The following LOC400499 variants were observed in gnomAD, a reference collection of about 807,000 sequenced individuals.
chr16:11,480,112 C>T, the LOC400499 span, among the ~76,000 whole-genome samples: 233 of 152,264 alleles, frequency 1.5e-3, 1 homozygote, highest in African/African-American at 5.2e-3. Flanking sequence ...TTCCTCTGTC[C>T]GCCACAGTCC....
chr16:11,401,072 G>C, the LOC400499 span, among the ~76,000 whole-genome samples: 3 of 152,204 alleles, frequency 2.0e-5, no homozygotes, highest in African/African-American at 7.2e-5. Context: ...TGCTCAATGA[G>C]GTATTGATAA....
chr16:11,470,065 GT>G, the LOC400499 span, among the ~76,000 whole-genome samples: 1 of 151,836 alleles, frequency 6.6e-6, no homozygotes, highest in Non-Finnish European at 1.5e-5. Flanking sequence ...AACAAGCCCA[GT>G]TTTTTTTTGT....
chr16:11,420,585 AAATAAT>A, the LOC400499 span, among the ~76,000 whole-genome samples: 1 of 143,466 alleles, frequency 7.0e-6, no homozygotes, highest in African/African-American at 2.7e-5. Context: ...CCTAAAACTT[AAATAAT>A]AATAAACCCC....
At chr16:11,515,949 G>C in the LOC400499 span, 6 of 394,394 alleles carry the variant, frequency 1.5e-5, no homozygotes, top group Admixed American at 4.5e-5. Flanking sequence ...GGCAGGGCCT[G>C]AGAATGGAGT....
the LOC400499 span, among the ~76,000 whole-genome samples, chr16:11,525,993 C>T: frequency 2.0e-5 from 3 of 152,128 alleles, no homozygotes; most frequent in East Asian, 3.8e-4. Context: ...CAAATGAAAT[C>T]AAGTCCCATT....
the LOC400499 span, among the ~76,000 whole-genome samples, chr16:11,439,829 T>G: frequency 6.6e-6 from 1 of 152,016 alleles, no homozygotes; most frequent in Non-Finnish European, 1.5e-5. Context: ...CTCCCTGCCA[T>G]GTTGCCTGTT....
At chr16:11,491,703 T>C in the LOC400499 span, 2 of 150,478 alleles carry the variant, frequency 1.3e-5, no homozygotes, top group Non-Finnish European at 2.7e-5. Flanking sequence ...TGGCTCACCC[T>C]GGGTGGAGAG....
At chr16:11,430,132 A>G in the LOC400499 span, among the ~76,000 whole-genome samples, 3 of 152,096 alleles carry the variant, frequency 2.0e-5, no homozygotes. Flanking sequence ...AGGCATCGGG[A>G]AGTGTCACTC....
chr16:11,479,434 G>A, the LOC400499 span, among the ~76,000 whole-genome samples: 4 of 149,362 alleles, frequency 2.7e-5, no homozygotes, highest in Non-Finnish European at 5.9e-5. Flanking sequence ...ACAGCATATC[G>A]AGACCCTATC....
At chr16:11,380,110 C>CTT in the LOC400499 span, among the ~76,000 whole-genome samples, 3 of 152,090 alleles carry the variant, frequency 2.0e-5, no homozygotes, top group Admixed American at 2.0e-4. Flanking sequence ...ACCATGCCTA[C>CTT]TTTTTTTCAC....
At chr16:11,396,354 A>G in the LOC400499 span, 5 of 698,120 alleles carry the variant, frequency 7.2e-6, no homozygotes, top group Non-Finnish European at 1.0e-5. Context: ...CCCAGAATGA[A>G]GCTCTGGCCC....
At chr16:11,488,900 C>T in the LOC400499 span, 251 of 398,710 alleles carry the variant, frequency 6.3e-4, no homozygotes, top group African/African-American at 2.0e-3. Context: ...AGGGAGGGGC[C>T]GTGAGGAAAG....
the LOC400499 span, chr16:11,448,843 A>G: frequency 1.8e-5 from 22 of 1,241,050 alleles, no homozygotes; most frequent in Admixed American, 5.6e-4. Flanking sequence ...TTTCCATCCG[A>G]AGCAGGGAGA....
chr16:11,491,141 TAAAG>T, the LOC400499 span, among the ~76,000 whole-genome samples: 1 of 152,214 alleles, frequency 6.6e-6, no homozygotes, highest in Non-Finnish European at 1.5e-5. Context: ...CTTACTTGTC[TAAAG>T]GCATACAGGA....
chr16:11,522,832 G>C, the LOC400499 span, among the ~76,000 whole-genome samples: 5 of 152,118 alleles, frequency 3.3e-5, no homozygotes, highest in Non-Finnish European at 7.4e-5. Flanking sequence ...GCCCAGCCTT[G>C]GGGGATCTGG....
At chr16:11,437,023 G>A in the LOC400499 span, among the ~76,000 whole-genome samples, 1 of 152,124 alleles carries the variant, frequency 6.6e-6, no homozygotes, top group Admixed American at 6.5e-5. Context: ...AAGACATGGA[G>A]GAAACTTAAA....
At chr16:11,420,612 A>G in the LOC400499 span, among the ~76,000 whole-genome samples, 1 of 131,406 alleles carries the variant, frequency 7.6e-6, no homozygotes, top group African/African-American at 2.7e-5. Context: ...CCCCCCCGGA[A>G]AAAAACCCCA....
the LOC400499 span, among the ~76,000 whole-genome samples, chr16:11,490,526 C>T: frequency 4.4e-3 from 672 of 152,094 alleles, 9 homozygotes; most frequent in African/African-American, 0.015. Context: ...GGTGAAACCC[C>T]GTCTCTACTA....
the LOC400499 span, chr16:11,446,841 G>C: frequency 1.3e-6 from 2 of 1,536,100 alleles, no homozygotes; most frequent in Non-Finnish European, 1.7e-6. Context: ...AATAGCGCTG[G>C]TGTCGCCTAT....
Sources: gnomAD v4.1 joint callset for allele counts (sites outside exome capture counted in the v4.1 genomes callset) on GRCh38, gnomAD v4.1.1 for gene constraint, MANE v1.5 for transcripts.